ZNF516: variants seen among roughly 807,000 people sequenced by gnomAD.
The protein encoded by ZNF516 is zinc finger protein 516.
ZNF516 carries 19 observed loss-of-function variants against 79.7 expected under a neutral mutation model. The observed-to-expected ratio is 0.24, with a 90% CI of 0.17 to 0.35. ZNF516 has a LOEUF of 0.35. Among genes scored for constraint, ZNF516 ranks in the 10% least tolerant of loss-of-function variants. The probability of loss-of-function intolerance (pLI) is 1.00; values close to 1 mark genes in which losing one functional copy is unlikely to be tolerated. For synonymous variants in ZNF516, 877 were observed against 739.5 expected, an observed-to-expected ratio of 1.19 and a Z score of -3.02; for missense variants, 1,678 against 1,679.5, an observed-to-expected ratio of 1.00 and a Z score of 0.02.
intron 1 of ZNF516, among the ~76,000 whole-genome samples, chr18:76,471,549 G>A (rs1295313305): frequency 6.6e-6 from 1 of 152,170 alleles, no homozygotes; most frequent in Non-Finnish European, 1.5e-5. Flanking sequence ...CTGACCTGCG[G>A]TGGGCCCATG....
rs570980441 is a variant in ZNF516, at chr18:76,490,573, G to C, written c.-272+4571C>G. ...GTGGTTTTTAAAATAAGCTGGAAAA[G>C]CTCCTTTTGGGAGGCTAGCCACCGT... On this transcript the variant is annotated intron_variant, in intron 1 of 6. Coordinates refer to ENST00000443185, the MANE Select transcript of ZNF516 (RefSeq NM_014643.4). The C allele has an allele frequency of 1.7e-3, 317 of 185,768 alleles. 1 individual carries two copies. The highest frequency in any genetic ancestry group is 6.9e-3 in the African/African-American group (292 of 42,156). 11.5% of individuals were successfully genotyped at this position (185,768 alleles called of 1,614,324 possible).
intron 3 of ZNF516, among the ~76,000 whole-genome samples, chr18:76,420,933 G>A (rs2075498965): frequency 6.6e-6 from 1 of 152,126 alleles, no homozygotes; most frequent in African/African-American, 2.4e-5. Flanking sequence ...CCAAAAAATG[G>A]ATTTGCTTTA....
chr18:76,466,625 G>A (rs1913488857), intron 1 of ZNF516, among the ~76,000 whole-genome samples: 1 of 152,238 alleles, frequency 6.6e-6, no homozygotes. Flanking sequence ...GCACTCTGTG[G>A]ACAGGCTCTC....
intron 3 of ZNF516, among the ~76,000 whole-genome samples, chr18:76,413,907 G>A (rs2075401602): frequency 6.6e-6 from 1 of 152,162 alleles, no homozygotes; most frequent in South Asian, 2.1e-4. Flanking sequence ...AAAAGGTTTC[G>A]TTAAATGTTT....
chr18:76,379,741 A>T lies in ZNF516; in HGVS notation c.2373T>A (p.Ala791=). The T allele has an allele frequency of 1.9e-6, 3 of 1,613,822 alleles. No homozygotes were observed. Among genetic ancestry groups the T allele is most frequent in the Non-Finnish European group, 2.5e-6 (3 of 1,179,862 alleles). Residue 791 remains alanine (A), a synonymous_variant, in exon 4 of 7, where the codon GCT becomes GCA. Coordinates refer to ENST00000443185, the MANE Select transcript of ZNF516 (RefSeq NM_014643.4). ...IWHRVSCNSV[A]PPWIQPNGYK... ...AACCATTGGGCTGAATCCACGGGGG[A>T]GCCACGGAGTTGCAGCTGACGCGGT...
At chr18:76,494,788 C>G (rs1915411493) in intron 1 of ZNF516, among the ~76,000 whole-genome samples, 1 of 151,810 alleles carries the variant, frequency 6.6e-6, no homozygotes, top group African/African-American at 2.4e-5. Context: ...CCCCTCCTCC[C>G]GCGTCGCCTT....
At chr18:76,397,071 T>A (rs1422439638) in intron 3 of ZNF516, among the ~76,000 whole-genome samples, 2 of 152,072 alleles carry the variant, frequency 1.3e-5, no homozygotes, top group Non-Finnish European at 2.9e-5. Context: ...GGGGGACACA[T>A]AATTGCTTTC....
At chr18:76,496,071 G>C (rs1466539760), upstream of ZNF516, among the ~76,000 whole-genome samples, 1 of 151,644 alleles carries the variant, frequency 6.6e-6, no homozygotes, top group Non-Finnish European at 1.5e-5. Context: ...GTAATAAGTT[G>C]AGTCTGGGAC....
rs556107668 is a variant in ZNF516 at position 76,451,582 on chromosome 18, G to C, written c.-157-8371C>G. Among the ~76,000 whole-genome samples the C allele has an allele frequency of 8.5e-5, 13 of 152,338 alleles. No homozygotes were observed. The South Asian group carries it at 2.5e-3, about 29-fold the overall frequency. ...CTACGCTGGTGCGTTTCTGAAGGAC[G>C]ACTCTCAGACACGGTTGGTCCCGGC... On this transcript the variant is annotated intron_variant, in intron 2 of 6. Transcript: ENST00000443185. This position sits in a 1 kb window ranked among gnomAD's most constrained non-coding sequence, Gnocchi z 6.0.
At chr18:76,372,230 C>CA (rs1471845542) in intron 4 of ZNF516, among the ~76,000 whole-genome samples, 1 of 152,262 alleles carries the variant, frequency 6.6e-6, no homozygotes. Context: ...TCCCTGCACT[C>CA]AAAGGCCGGG....
intron 1 of ZNF516, chr18:76,488,226 G>A (rs1305185343): frequency 2.0e-6 from 2 of 985,268 alleles, no homozygotes; most frequent in African/African-American, 1.7e-5. Context: ...AACAGAGTAG[G>A]GGCCGCTTCC....
At chr18:76,418,868 G>C (rs1044518024) in intron 3 of ZNF516, among the ~76,000 whole-genome samples, 1 of 152,244 alleles carries the variant, frequency 6.6e-6, no homozygotes, top group African/African-American at 2.4e-5. Flanking sequence ...TTGTGACCTA[G>C]GATAAGCAAA....
At chr18:76,457,174 G>C (rs1045390845) in intron 2 of ZNF516, among the ~76,000 whole-genome samples, 8 of 152,236 alleles carry the variant, frequency 5.3e-5, no homozygotes, top group Non-Finnish European at 1.0e-4. Flanking sequence ...CAAAGAAAAT[G>C]ATCTACAAAT....
chr18:76,371,904 A>G (rs1215274408), intron 4 of ZNF516, among the ~76,000 whole-genome samples: 1 of 152,184 alleles, frequency 6.6e-6, no homozygotes, highest in Non-Finnish European at 1.5e-5. Flanking sequence ...TCTGTCAAGC[A>G]GCACATCCAG....
chr18:76,419,781 C>A (rs1398046344), intron 3 of ZNF516, among the ~76,000 whole-genome samples: 4 of 152,246 alleles, frequency 2.6e-5, no homozygotes, highest in South Asian at 2.1e-4. Context: ...ATCCATTAAA[C>A]CTCTTTCCTT....
At chr18:76,487,824 TCTC>T in intron 1 of ZNF516, 1 of 586,692 alleles carries the variant, frequency 1.7e-6, no homozygotes, top group Non-Finnish European at 2.1e-6. Flanking sequence ...AAAAATGCTG[TCTC>T]CTCTATGGCC....
chr18:76,476,111 G>A (rs187639608), intron 1 of ZNF516, among the ~76,000 whole-genome samples: 1 of 152,174 alleles, frequency 6.6e-6, no homozygotes, highest in Non-Finnish European at 1.5e-5. Flanking sequence ...TATCTGAAAA[G>A]AAATGGTTTA....
chr18:76,484,837 C>T (rs947983423), intron 1 of ZNF516, among the ~76,000 whole-genome samples: 5 of 152,110 alleles, frequency 3.3e-5, no homozygotes, highest in African/African-American at 9.7e-5. Flanking sequence ...CTTAGCAGCC[C>T]ATAATCTTTC....
At chr18:76,475,920 T>C (rs914757940) in intron 1 of ZNF516, among the ~76,000 whole-genome samples, 1 of 152,226 alleles carries the variant, frequency 6.6e-6, no homozygotes, top group Admixed American at 6.5e-5. Flanking sequence ...AAATGCCTAA[T>C]ACAGTGACTG....
Sources: allele counts gnomAD v4.1 joint callset (sites outside exome capture counted in the v4.1 genomes callset), GRCh38; gene constraint gnomAD v4.1.1; non-coding constraint Gnocchi (gnomAD v3.1); transcripts MANE v1.5; gene names NCBI Gene and HGNC (gene_info 2026-07-23, HGNC 2026-07-21).